TNRC18: variants seen among roughly 807,000 people sequenced by gnomAD.
TNRC18 encodes trinucleotide repeat-containing gene 18 protein.
In TNRC18, 69 loss-of-function variants were observed where a neutral mutation model predicts 226.7. That is an observed-to-expected ratio of 0.30 (90% CI 0.25 to 0.37). The LOEUF (loss-of-function observed/expected upper bound fraction) is 0.37. TNRC18 is among the 10% of genes least tolerant of loss of function. TNRC18 has a pLI of 1.00. For synonymous variants in TNRC18, 2,449 were observed against 1,927.6 expected (o/e 1.27, Z -7.09); for missense variants, 4,754 against 4,256.6 (o/e 1.12, Z -3.25).
intron 2 of TNRC18, among the ~76,000 whole-genome samples, chr7:5,402,290 T>C (rs1270131185): frequency 6.6e-6 from 1 of 151,626 alleles, no homozygotes; most frequent in Non-Finnish European, 1.5e-5. Context: ...TCCCAGCACT[T>C]TGGGAGGCCA....
intron 15 of TNRC18, among the ~76,000 whole-genome samples, chr7:5,359,044 G>A (rs1291605499): frequency 6.6e-6 from 1 of 152,202 alleles, no homozygotes; most frequent in Non-Finnish European, 1.5e-5. Context: ...TGGCAGAGCT[G>A]CTCATTAAAC....
chr7:5,404,982 G>A (rs558930302), intron 2 of TNRC18, among the ~76,000 whole-genome samples: 5 of 152,160 alleles, frequency 3.3e-5, no homozygotes, highest in African/African-American at 1.2e-4. Context: ...GCTGGGTGTG[G>A]CTGCATGCGC....
At position 5,394,942 on chromosome 7, in the gene TNRC18, C is replaced by T. The variant is rs1341236832; in HGVS notation, c.188-347G>A. On this transcript the variant is annotated intron_variant, in intron 2 of 29. Transcript: ENST00000430969. The surrounding 1 kb of genome is among the most constrained non-coding windows in gnomAD (Gnocchi z 4.5). Reference sequence around the variant, plus strand: ...GGCCCGGCACCATTCTCCCCATCTGCAGGTGGAATCCTGAAGTCGGTGGCG... The same window carrying T: ...GGCCCGGCACCATTCTCCCCATCTGTAGGTGGAATCCTGAAGTCGGTGGCG... Among the ~76,000 whole-genome samples the T allele has an allele frequency of 6.6e-6, 1 of 152,198 alleles. No homozygotes were observed. The highest frequency in any genetic ancestry group is 1.5e-5 in the Non-Finnish European group (1 of 68,028).
chr7:5,351,058 G>A (rs1399774459), intron 17 of TNRC18, among the ~76,000 whole-genome samples: 1 of 152,190 alleles, frequency 6.6e-6, no homozygotes, highest in Non-Finnish European at 1.5e-5. Flanking sequence ...AAAAAAACAT[G>A]ATGATGCTGG....
At chr7:5,334,790 C>A (rs891779061) in intron 18 of TNRC18, among the ~76,000 whole-genome samples, 4 of 152,014 alleles carry the variant, frequency 2.6e-5, no homozygotes, top group Non-Finnish European at 4.4e-5. Context: ...GTGTATGGTG[C>A]AGGGAGGGAC....
At chr7:5,418,273 T>C (rs527843973) in intron 2 of TNRC18, among the ~76,000 whole-genome samples, 120 of 152,288 alleles carry the variant, frequency 7.9e-4, no homozygotes, top group Non-Finnish European at 1.2e-3. Context: ...GTAGCAAGGC[T>C]CAAGGTAATA....
At chr7:5,316,179 A>G in intron 24 of TNRC18, 107 bp from the exon 25 acceptor site, 2 of 712,248 alleles carry the variant, frequency 2.8e-6, no homozygotes, top group Non-Finnish European at 4.5e-6. Context: ...CCTGGTCTCT[A>G]TGGTACAGCA....
chr7:5,355,736 C>T (rs999031937), intron 16 of TNRC18, among the ~76,000 whole-genome samples: 8 of 152,002 alleles, frequency 5.3e-5, no homozygotes, highest in Admixed American at 1.3e-4. Flanking sequence ...AAAAATTAGC[C>T]GGGTGTGGTG....
rs577755985 is a variant in TNRC18, at chr7:5,307,420, C to A, written c.*686G>T. ...TGGGGAGGGGCCAGGCGTGGCCGGG[C>A]GACAGTTTCAGCACCATTGGGGTTT... On this transcript the variant is annotated 3_prime_UTR_variant, in exon 30 of 30. Transcript: ENST00000430969. 3.3e-5 allele frequency: 11 copies of A among 328,676 alleles called. No homozygotes were observed. The highest frequency in any genetic ancestry group is 6.9e-5 in the Non-Finnish European group (11 of 159,508). 20.4% of individuals were successfully genotyped at this position (328,676 alleles called of 1,614,324 possible). A position where few individuals can be genotyped will look rare whatever the true frequency, so the allele number is the denominator to read the frequency against.
chr7:5,321,577 C>T (rs1788360169), intron 21 of TNRC18, among the ~76,000 whole-genome samples: 4 of 152,140 alleles, frequency 2.6e-5, no homozygotes, highest in African/African-American at 7.2e-5. Flanking sequence ...ACACTCACAG[C>T]GACGATCCTC....
chr7:5,347,313 G>C (rs925015322), intron 17 of TNRC18, among the ~76,000 whole-genome samples: 1 of 149,338 alleles, frequency 6.7e-6, no homozygotes, highest in Non-Finnish European at 1.5e-5. Flanking sequence ...TCAGCCTCTC[G>C]AGTAGTGGGA....
At chr7:5,389,614 A>G in intron 4 of TNRC18, 1 of 241,978 alleles carries the variant, frequency 4.1e-6, no homozygotes, top group Non-Finnish European at 7.8e-6. Context: ...CCCACCACGC[A>G]CGGCTAATTA....
chr7:5,375,446 A>G (rs1265017569), intron 9 of TNRC18, among the ~76,000 whole-genome samples: 2 of 152,192 alleles, frequency 1.3e-5, no homozygotes, highest in Non-Finnish European at 2.9e-5. Context: ...CTGGGAGAGG[A>G]AACCTGAAGC....
chr7:5,347,188 AAT>A (rs1562524744), intron 17 of TNRC18, among the ~76,000 whole-genome samples: 3 of 143,838 alleles, frequency 2.1e-5, no homozygotes, highest in South Asian at 2.2e-4. Flanking sequence ...CAAAAAAAAA[AAT>A]TTTTTTTTTT....
chr7:5,345,517 G>GGGGGGGGGGGGGCCCCCCCCCCCCCCC, intron 18 of TNRC18, 45 bp downstream of exon 18: 1 of 377,744 alleles, frequency 2.6e-6, no homozygotes. Flanking sequence ...AATGGCGTCC[G>GGGGGGGGGGGGGCCCCCCCCCCCCCCC]CCCCTCCCAC....
intron 11 of TNRC18, among the ~76,000 whole-genome samples, chr7:5,364,462 AACACAC>A (rs58752853): frequency 0.05 from 5,832 of 116,468 alleles, 167 homozygotes; most frequent in South Asian, 0.068. Context: ...TCTCAAAGAA[AACACAC>A]ACACACACAC....
chr7:5,395,284 G>A (rs56333430), intron 2 of TNRC18, among the ~76,000 whole-genome samples: 62,214 of 152,068 alleles, frequency 0.41, 14,220 homozygotes, highest in East Asian at 0.83. Flanking sequence ...AGCGGCAGGC[G>A]TGGGGGCCGC....
chr7:5,312,978 G>A lies in TNRC18; in HGVS notation c.7913C>T (p.Ser2638Phe), dbSNP rs1433511337. Residue 2638 changes from serine (S) to phenylalanine (F), a missense_variant, in exon 27 of 30, where the codon TCC (serine) becomes TTC (phenylalanine). Coordinates refer to ENST00000430969, the MANE Select transcript of TNRC18 (RefSeq NM_001080495.3). This position sits in a 1 kb window ranked among gnomAD's most constrained non-coding sequence, Gnocchi z 6.3. Reference sequence around the variant, plus strand: ...AGACGAAGAGGAAGAGGAGGAGGAGGAAGAGGAGGAGGAGGAAGAGGAGGA... The same window carrying A: ...AGACGAAGAGGAAGAGGAGGAGGAGAAAGAGGAGGAGGAGGAAGAGGAGGA... ...SSSSSSSSSS[S>F]SSSSSSSSSS... 8 of 1,111,628 alleles carry A rather than the reference G, an allele frequency of 7.2e-6. No homozygotes were observed. In the African/African-American group the frequency reaches 7.7e-5, roughly 11 times the overall value. The allele number at this position is 1,111,628 out of a possible 1,614,324, so 68.9% of individuals were successfully genotyped here. A position where few individuals can be genotyped will look rare whatever the true frequency, so the allele number is the denominator to read the frequency against.
rs138234559 is a variant in TNRC18 at position 5,376,498 on chromosome 7, G to A, written c.2609-274C>T. 5.9e-3 allele frequency among the ~76,000 whole-genome samples: 893 copies of A among 152,308 alleles called. 10 individuals are homozygous for A. Among genetic ancestry groups the A allele is most frequent in the African/African-American group, 0.02 (813 of 41,564 alleles). ...CCAGAGCAGGTCAGCACGCAGACAC[G>A]TACGAGGACCACTGTGAGGACCTAG... On this transcript the variant is annotated intron_variant, in intron 8 of 29. Coordinates refer to ENST00000430969, the MANE Select transcript of TNRC18 (RefSeq NM_001080495.3).
Sources: allele counts gnomAD v4.1 joint callset (sites outside exome capture counted in the v4.1 genomes callset), GRCh38; gene constraint gnomAD v4.1.1; non-coding constraint Gnocchi (gnomAD v3.1); transcripts MANE v1.5; gene names NCBI Gene and HGNC (gene_info 2026-07-23, HGNC 2026-07-21).